Variants in TBC1D16 observed in about 807,000 individuals in gnomAD.
The protein encoded by TBC1D16 is CTD-2529O21.1.
TBC1D16 carries 58 observed loss-of-function variants against 74.7 expected under a neutral mutation model. That is an observed-to-expected ratio of 0.78 (90% CI 0.63 to 0.97). The LOEUF (loss-of-function observed/expected upper bound fraction) is 0.97, where lower values mean the gene tolerates loss of function less well. Among genes scored for constraint, TBC1D16 ranks in the 50% least tolerant of loss-of-function variants. TBC1D16 has a pLI of 0.00. For missense variants in TBC1D16, 1,014 were observed against 1,079.5 expected, an observed-to-expected ratio of 0.94 and a Z score of 0.85; for synonymous variants, 493 against 474.7, an observed-to-expected ratio of 1.04 and a Z score of -0.50.
rs754434049 is a variant in TBC1D16 at position 79,941,127 on chromosome 17, G to T, written c.2056-20C>A. ...CCTCGCCTGCAGACAGAGGACGGGG[G>T]GTGAGGAGGGGCCGGGGGACAGCCT... On this transcript the variant is annotated intron_variant, in intron 11 of 11. Transcript: ENST00000310924. The surrounding 1 kb of genome is among the most constrained non-coding windows in gnomAD (Gnocchi z 4.3). 6.5e-7 allele frequency: 1 copy of T among 1,545,072 alleles called. No homozygotes were observed. The highest frequency in any genetic ancestry group is 2.4e-5 in the East Asian group (1 of 41,838).
intron 3 of TBC1D16, among the ~76,000 whole-genome samples, chr17:79,966,846 A>G (rs1482498456): frequency 6.6e-6 from 1 of 152,220 alleles, no homozygotes; most frequent in Non-Finnish European, 1.5e-5. Context: ...ATATAAGAAG[A>G]GTTGTACACC....
chr17:79,978,094 T>C (rs1036045261), intron 3 of TBC1D16, among the ~76,000 whole-genome samples: 6 of 152,126 alleles, frequency 3.9e-5, no homozygotes, highest in African/African-American at 7.2e-5. Context: ...ACCTGCCCCA[T>C]GGTCACGGTC....
rs1452520434 is a variant in TBC1D16, at chr17:79,961,181, T to A, written c.780-8363A>T. Among the ~76,000 whole-genome samples, 1 of 152,204 alleles carries A rather than the reference T, an allele frequency of 6.6e-6. No homozygotes were observed. Among genetic ancestry groups the A allele is most frequent in the Non-Finnish European group, 1.5e-5 (1 of 68,044 alleles). On this transcript the variant is annotated intron_variant, in intron 3 of 11. Transcript: ENST00000310924. This position sits in a 1 kb window ranked among gnomAD's most constrained non-coding sequence, Gnocchi z 4.8. ...CAAACTGCTGATATGCATGACGATA[T>A]GGAAGCATCTCAGTTGTATTATGTT...
intron 1 of TBC1D16, among the ~76,000 whole-genome samples, chr17:80,029,556 C>T (rs372716434): frequency 8.8e-4 from 134 of 152,306 alleles, no homozygotes; most frequent in African/African-American, 3.0e-3. Flanking sequence ...GTTAGGACAT[C>T]TACTACCCAA....
intron 2 of TBC1D16, 34 bp downstream of exon 2, chr17:80,013,333 G>A (rs1191872575): frequency 6.4e-7 from 1 of 1,563,816 alleles, no homozygotes; most frequent in Non-Finnish European, 8.7e-7. Context: ...AACCTGGGCT[G>A]TGCGACCCTG....
At chr17:80,015,759 C>T (rs930979803) in intron 1 of TBC1D16, among the ~76,000 whole-genome samples, 4 of 151,662 alleles carry the variant, frequency 2.6e-5, no homozygotes, top group Admixed American at 1.3e-4. Flanking sequence ...ACCTGTAATC[C>T]CAGCACTTTG....
intron 1 of TBC1D16, among the ~76,000 whole-genome samples, chr17:80,027,372 G>C (rs772361196): frequency 6.6e-6 from 1 of 152,216 alleles, no homozygotes; most frequent in Non-Finnish European, 1.5e-5. Flanking sequence ...TGAGTCAAGA[G>C]AATCGCTTGA....
At chr17:80,012,530 T>C (rs2035933315) in intron 2 of TBC1D16, among the ~76,000 whole-genome samples, 1 of 152,210 alleles carries the variant, frequency 6.6e-6, no homozygotes, top group African/African-American at 2.4e-5. Context: ...CAGTATTCGA[T>C]TGAAACATAA....
At chr17:79,945,174 T>A (rs2032414692) in intron 9 of TBC1D16, 87 bp from the exon 10 acceptor site, 3 of 1,404,592 alleles carry the variant, frequency 2.1e-6, no homozygotes, top group Non-Finnish European at 2.9e-6. Flanking sequence ...GGCCCTTCCC[T>A]GGGCCACCCC....
chr17:79,985,991 G>A lies in TBC1D16; in HGVS notation c.779+24169C>T, dbSNP rs2034820271. Among the ~76,000 whole-genome samples, 1 of 152,238 alleles carries A rather than the reference G, an allele frequency of 6.6e-6. No individual in the cohort carries two copies. The highest frequency in any genetic ancestry group is 1.5e-5 in the Non-Finnish European group (1 of 68,042). ...TTTTCCCAACGAAACTCTTCTGCCAGGCGGCATAAGGGGCGCGGCCCTCCG... is the reference window on the plus strand; with the variant it reads ...TTTTCCCAACGAAACTCTTCTGCCAAGCGGCATAAGGGGCGCGGCCCTCCG... On this transcript the variant is annotated intron_variant, in intron 3 of 11. Coordinates refer to ENST00000310924, the MANE Select transcript of TBC1D16 (RefSeq NM_019020.4). This position sits in a 1 kb window ranked among gnomAD's most constrained non-coding sequence, Gnocchi z 4.9.
In TBC1D16 at chr17:79,941,964, C is replaced by A. The variant is rs947085934; in HGVS notation, c.2055+96G>T. Reference sequence around the variant, plus strand: ...GGGGATGGGGCTCTGGGGGCGGGGCCCACATCTGGGGCAGCCTCACCTTTC... The same window carrying A: ...GGGGATGGGGCTCTGGGGGCGGGGCACACATCTGGGGCAGCCTCACCTTTC... On this transcript the variant is annotated intron_variant, in intron 11 of 11. Coordinates refer to ENST00000310924, the MANE Select transcript of TBC1D16 (RefSeq NM_019020.4). This position sits in a 1 kb window ranked among gnomAD's most constrained non-coding sequence, Gnocchi z 4.3. 9 of 1,239,818 alleles carry A rather than the reference C, an allele frequency of 7.3e-6. No homozygotes were observed. In the African/African-American group the frequency reaches 1.2e-4, roughly 17 times the overall value. The allele number at this position is 1,239,818 out of a possible 1,614,324, so 76.8% of individuals were successfully genotyped here. A position where few individuals can be genotyped will look rare whatever the true frequency, so the allele number is the denominator to read the frequency against.
At chr17:80,019,762 T>C (rs2036221818) in intron 1 of TBC1D16, among the ~76,000 whole-genome samples, 1 of 149,788 alleles carries the variant, frequency 6.7e-6, no homozygotes, top group Non-Finnish European at 1.5e-5. Context: ...ATGTATTCTC[T>C]ACTATATTTT....
intron 1 of TBC1D16, among the ~76,000 whole-genome samples, chr17:80,024,425 A>ATAT (rs1189662368): frequency 6.7e-6 from 1 of 149,840 alleles, no homozygotes; most frequent in African/African-American, 2.5e-5. Context: ...ATAGACACAC[A>ATAT]CACTACACAT....
At position 79,940,802 on chromosome 17, in the gene TBC1D16, G is replaced by C; in HGVS notation, c.*57C>G. 6.9e-7 allele frequency: 1 copy of C among 1,439,572 alleles called. No individual in the cohort carries two copies. Among genetic ancestry groups the C allele is most frequent in the Non-Finnish European group, 9.2e-7 (1 of 1,088,424 alleles). The allele number at this position is 1,439,572 out of a possible 1,614,324, so 89.2% of individuals were successfully genotyped here. A position where few individuals can be genotyped will look rare whatever the true frequency, so the allele number is the denominator to read the frequency against. On this transcript the variant is annotated 3_prime_UTR_variant, in exon 12 of 12. Transcript: ENST00000310924. This position sits in a 1 kb window ranked among gnomAD's most constrained non-coding sequence, Gnocchi z 5.4. ...TTCACGCCCAGCCCCACCCCCTCCCGTGCCCAGGGCCTCTGAGGAGGTCCC... is the reference window on the plus strand; with the variant it reads ...TTCACGCCCAGCCCCACCCCCTCCCCTGCCCAGGGCCTCTGAGGAGGTCCC...
rs1422835101 is a variant in TBC1D16 at position 80,013,534 on chromosome 17, C to A, written c.14G>T (p.Arg5Leu). 2.6e-6 allele frequency: 4 copies of A among 1,531,786 alleles called. No homozygotes were observed. The allele number at this position is 1,531,786 out of a possible 1,614,324, so 94.9% of individuals were successfully genotyped here. A position where few individuals can be genotyped will look rare whatever the true frequency, so the allele number is the denominator to read the frequency against. MSLG[R>L]LLRRASSKAS... ...TTTGGAGGAGGCCCTGCGAAGGAGG[C>A]GGCCCAGAGACATTGCCGGGCAAGT... is the stretch of plus-strand genomic sequence containing the variant. The change falls in exon 2 of 12, where the codon CGC becomes CTC. Residue 5 changes from arginine to leucine, a missense_variant. Arg to Leu is a moderately radical substitution (Grantham distance 102). Transcript: ENST00000310924.
Position 79,950,962 on chromosome 17 carries a change from G to C in TBC1D16, c.1090-384C>G. ...TGTTCTGCGAGCAGGGAGCCAGCCT[G>C]TCAGATTGCCTCCGCGAGCAGTCAC... is the stretch of plus-strand genomic sequence containing the variant. On this transcript the variant is annotated intron_variant, in intron 5 of 11. Coordinates refer to ENST00000310924, the MANE Select transcript of TBC1D16 (RefSeq NM_019020.4). The surrounding 1 kb of genome is among the most constrained non-coding windows in gnomAD (Gnocchi z 4.6). The C allele has an allele frequency of 9.7e-7, 1 of 1,027,056 alleles. No individual in the cohort carries two copies. The highest frequency in any genetic ancestry group is 1.4e-6 in the Non-Finnish European group (1 of 733,132). The allele number at this position is 1,027,056 out of a possible 1,614,324, so 63.6% of individuals were successfully genotyped here. A position where few individuals can be genotyped will look rare whatever the true frequency, so the allele number is the denominator to read the frequency against.
chr17:80,035,474 C>A lies in TBC1D16; in HGVS notation c.-63+321G>T, dbSNP rs1436048334. Among the ~76,000 whole-genome samples the A allele has an allele frequency of 1.3e-5, 2 of 152,034 alleles. No homozygotes were observed. The highest frequency in any genetic ancestry group is 2.9e-5 in the Non-Finnish European group (2 of 67,974). ...AGACAAAGACCGCAAGTTCCCCGGT[C>A]CACCGCTCCAGACAGGCGGGGACCA... On this transcript the variant is annotated intron_variant, in intron 1 of 11. Coordinates refer to ENST00000310924, the MANE Select transcript of TBC1D16 (RefSeq NM_019020.4). The surrounding 1 kb of genome is among the most constrained non-coding windows in gnomAD (Gnocchi z 5.3).
At chr17:79,959,946 C>A (rs754091279) in intron 3 of TBC1D16, among the ~76,000 whole-genome samples, 2 of 150,636 alleles carry the variant, frequency 1.3e-5, no homozygotes, top group South Asian at 4.2e-4. Flanking sequence ...AAAATATTCA[C>A]AAAACATATA....
chr17:79,995,655 G>A (rs1018576626), intron 3 of TBC1D16, among the ~76,000 whole-genome samples: 18 of 150,654 alleles, frequency 1.2e-4, no homozygotes, highest in Non-Finnish European at 2.2e-4. Flanking sequence ...CGTGGTGGTG[G>A]GCGCCTGTAG....
Sources: gnomAD v4.1 joint callset for allele counts (sites outside exome capture counted in the v4.1 genomes callset) on GRCh38, gnomAD v4.1.1 for gene constraint, Gnocchi (gnomAD v3.1) non-coding constraint, MANE v1.5 for transcripts, NCBI Gene and HGNC (gene_info 2026-07-23, HGNC 2026-07-21) for gene names.